RERE: variants seen among roughly 807,000 people sequenced by gnomAD.
The protein encoded by RERE is arginine-glutamic acid dipeptide repeats protein.
Under a neutral mutation model 146.1 loss-of-function variants are expected in RERE, and 40 were observed. The ratio of observed to expected loss-of-function variants is 0.27; its 90% CI spans 0.21 to 0.36. RERE has a LOEUF of 0.36. RERE is among the 10% of genes least tolerant of loss of function. The pLI is 1.00. For missense variants in RERE, 1,933 were observed against 2,138.7 expected, an observed-to-expected ratio of 0.90 and a Z score of 1.90; for synonymous variants, 1,003 against 866.0, an observed-to-expected ratio of 1.16 and a Z score of -2.78.
intron 1 of RERE, among the ~76,000 whole-genome samples, chr1:8,736,354 C>T (rs1160664720): frequency 7.2e-5 from 11 of 152,014 alleles, no homozygotes; most frequent in Non-Finnish European, 1.0e-4. Context: ...CTACAGGCGC[C>T]CGCCACCACG....
intron 7 of RERE, among the ~76,000 whole-genome samples, chr1:8,510,065 A>C (rs1325796848): frequency 1.3e-5 from 2 of 152,154 alleles, no homozygotes; most frequent in African/African-American, 4.8e-5. Flanking sequence ...GAAGGGGAGA[A>C]AGGGAGGAGG....
intron 1 of RERE, among the ~76,000 whole-genome samples, chr1:8,691,871 A>G (rs554655332): frequency 5.3e-5 from 8 of 152,346 alleles, no homozygotes; most frequent in Non-Finnish European, 1.0e-4. Context: ...CCCTGGAAGT[A>G]GTTCTAACCT....
At chr1:8,789,751 A>G (rs953747431) in intron 1 of RERE, among the ~76,000 whole-genome samples, 9 of 152,150 alleles carry the variant, frequency 5.9e-5, no homozygotes, top group Admixed American at 3.3e-4. Flanking sequence ...AACGCTGCGC[A>G]TACCATATGC....
intron 4 of RERE, among the ~76,000 whole-genome samples, chr1:8,579,613 A>T (rs1178457748): frequency 5.9e-5 from 9 of 152,236 alleles, no homozygotes; most frequent in Admixed American, 5.9e-4. Flanking sequence ...TTAATAAAGA[A>T]ATCATTATCT....
chr1:8,520,114 A>C lies in RERE; in HGVS notation c.831-11439T>G, dbSNP rs377126970. Among the ~76,000 whole-genome samples the C allele has an allele frequency of 4.6e-5, 7 of 152,262 alleles. No individual in the cohort carries two copies. The East Asian group carries it at 1.3e-3, about 29-fold the overall frequency. Reference sequence around the variant, plus strand: ...AAAAACAAAGAGATTTAGTCAACTTAAAGTTACCACTTCCATATTCACACA... The same window carrying C: ...AAAAACAAAGAGATTTAGTCAACTTCAAGTTACCACTTCCATATTCACACA... On this transcript the variant is annotated intron_variant, in intron 7 of 22. Coordinates refer to ENST00000400908, the MANE Select transcript of RERE (RefSeq NM_001042681.2).
At chr1:8,523,248 C>A (rs1645527417) in intron 7 of RERE, among the ~76,000 whole-genome samples, 1 of 152,142 alleles carries the variant, frequency 6.6e-6, no homozygotes, top group African/African-American at 2.4e-5. Context: ...CAAGTTCATT[C>A]TAGCTTTCAA....
rs1162301313 is a variant in RERE, at chr1:8,358,804, G to A, written c.3731C>T (p.Pro1244Leu). The A allele has an allele frequency of 1.2e-6, 2 of 1,612,560 alleles. No individual in the cohort carries two copies. Among genetic ancestry groups the A allele is most frequent in the South Asian group, 1.1e-5 (1 of 90,870 alleles). Residue 1244 changes from proline to leucine, a missense_variant, in exon 20 of 23, where the codon CCC becomes CTC. By Grantham distance (98) the Pro-to-Leu change is moderately conservative. Around this residue, in one of 11 missense-constraint regions of RERE, gnomAD observed 1,255 missense variants for 1,153.8 expected, o/e 1.09. Coordinates refer to ENST00000400908, the MANE Select transcript of RERE (RefSeq NM_001042681.2). ...PPPTTIAAVP[P>L]YIGPDTPALR... is the part of the protein sequence containing the mutation. ...GGCAGGTGTGTCGGGCCCGATGTAG[G>A]GGGGCACAGCAGCAATGGTGGTTGG... is the stretch of plus-strand genomic sequence containing the variant.
chr1:8,575,534 A>AATATATATATAT (rs67724601), intron 4 of RERE, among the ~76,000 whole-genome samples: 10 of 114,054 alleles, frequency 8.8e-5, no homozygotes, highest in African/African-American at 3.1e-4. Context: ...TGGCTAATTT[A>AATATATATATAT]ATATATATAT....
At chr1:8,470,821 T>TTTC (rs1644674110) in intron 10 of RERE, among the ~76,000 whole-genome samples, 2 of 124,330 alleles carry the variant, frequency 1.6e-5, no homozygotes, top group Non-Finnish European at 3.4e-5. Flanking sequence ...ACCTTTTTTT[T>TTTC]TTTTTTTTTT....
chr1:8,784,113 C>CT (rs1641218266), intron 1 of RERE, among the ~76,000 whole-genome samples: 1 of 152,228 alleles, frequency 6.6e-6, no homozygotes, highest in African/African-American at 2.4e-5. Context: ...ACTCTACCCC[C>CT]TGCTCATTCT....
At chr1:8,493,474 G>A (rs939688983) in intron 10 of RERE, among the ~76,000 whole-genome samples, 1 of 152,104 alleles carries the variant, frequency 6.6e-6, no homozygotes, top group African/African-American at 2.4e-5. Flanking sequence ...TCATACTCAA[G>A]AAACCTAATT....
chr1:8,771,418 G>A (rs1054867436), intron 1 of RERE, among the ~76,000 whole-genome samples: 19 of 151,798 alleles, frequency 1.3e-4, no homozygotes, highest in African/African-American at 2.7e-4. Flanking sequence ...CAGATACTCC[G>A]GAGGCTGAGG....
In RERE at chr1:8,356,370, G is replaced by GCACCACCTGGCTA; in HGVS notation, c.4340-137_4340-125dup. ...TGGCTCCTGGTCACCAGGGCTGGAT[G>GCACCACCTGGCTA]CACCACCTGGCTACAGGTGGCCCTG... On this transcript the variant is annotated intron_variant, in intron 20 of 22. Coordinates refer to ENST00000400908, the MANE Select transcript of RERE (RefSeq NM_001042681.2). The surrounding 1 kb of genome is among the most constrained non-coding windows in gnomAD (Gnocchi z 5.2). 8.9e-7 allele frequency: 1 copy of GCACCACCTGGCTA among 1,122,076 alleles called. No homozygotes were observed. Among genetic ancestry groups the GCACCACCTGGCTA allele is most frequent in the Non-Finnish European group, 1.2e-6 (1 of 846,700 alleles). 69.5% of individuals were successfully genotyped at this position (1,122,076 alleles called of 1,614,324 possible).
chr1:8,528,875 T>TAAA (rs1645603084), intron 7 of RERE, among the ~76,000 whole-genome samples: 1 of 152,162 alleles, frequency 6.6e-6, no homozygotes, highest in Non-Finnish European at 1.5e-5. Context: ...ATAAAGTGTA[T>TAAA]ATTTCTAATA....
intron 4 of RERE, among the ~76,000 whole-genome samples, chr1:8,593,839 C>T (rs953714232): frequency 2.0e-5 from 3 of 152,220 alleles, no homozygotes; most frequent in Admixed American, 6.5e-5. Flanking sequence ...ACTTTAGGGG[C>T]TGTGGCTCCA....
intron 6 of RERE, 143 bp downstream of exon 6, chr1:8,556,332 G>C: frequency 3.6e-6 from 2 of 560,924 alleles, no homozygotes; most frequent in Admixed American, 5.1e-5. Context: ...CAACAATCCA[G>C]AGCGGACACT....
intron 1 of RERE, among the ~76,000 whole-genome samples, chr1:8,709,735 T>C (rs191165875): frequency 1.3e-5 from 2 of 152,264 alleles, no homozygotes; most frequent in East Asian, 1.9e-4. Flanking sequence ...AAGCCCCTTA[T>C]TGAGTCTTTT....
chr1:8,803,195 G>C (rs569886741), intron 1 of RERE, among the ~76,000 whole-genome samples: 1 of 151,956 alleles, frequency 6.6e-6, no homozygotes, highest in Non-Finnish European at 1.5e-5. Flanking sequence ...GTCACTGTTC[G>C]GCCAGGTGCA....
rs143011976 is a variant in RERE, at chr1:8,681,064, C to T, written c.-144-24623G>A. On this transcript the variant is annotated intron_variant, in intron 1 of 22. Transcript: ENST00000400908. The stretch of plus-strand genomic sequence containing the variant: ...AAAGCATGTAAAACCATCGAGGTCC[C>T]GGGAAACAAATTTCCTAGGCTTTTA... Among the ~76,000 whole-genome samples, 1,196 of 152,238 alleles carry T rather than the reference C, an allele frequency of 7.9e-3. 14 individuals carry two copies. Among genetic ancestry groups the T allele is most frequent in the African/African-American group, 0.027 (1,139 of 41,536 alleles).
Sources: allele counts gnomAD v4.1 joint callset (sites outside exome capture counted in the v4.1 genomes callset), GRCh38; gene constraint gnomAD v4.1.1; regional missense constraint gnomAD v4.1.1; non-coding constraint Gnocchi (gnomAD v3.1); transcripts MANE v1.5; gene names NCBI Gene and HGNC (gene_info 2026-07-23, HGNC 2026-07-21).